ADD2: variants seen among roughly 807,000 people sequenced by gnomAD.
The protein encoded by ADD2 is beta-adducin.
Under a neutral mutation model 83.0 loss-of-function variants are expected in ADD2, and 23 were observed. That is an observed-to-expected ratio of 0.28 (90% CI 0.20 to 0.39). The LOEUF is 0.39. ADD2 is among the 10% of genes least tolerant of loss of function. The pLI is 1.00. For missense variants in ADD2, 758 were observed against 944.9 expected, an observed-to-expected ratio of 0.80 and a Z score of 2.59; for synonymous variants, 375 against 375.4, an observed-to-expected ratio of 1.00 and a Z score of 0.01.
At chr2:70,687,002 G>A (rs1479458922) in intron 9 of ADD2, 3 of 152,444 alleles carry the variant, frequency 2.0e-5, no homozygotes, top group Non-Finnish European at 4.4e-5. Flanking sequence ...CCAGCCAGGA[G>A]AGGGCGGACG....
rs1327389214 is a variant in ADD2, at chr2:70,674,789, C to T, written c.1630G>A (p.Asp544Asn). 2 of 1,613,986 alleles carry T rather than the reference C, an allele frequency of 1.2e-6. No homozygotes were observed. The highest frequency in any genetic ancestry group is 1.3e-5 in the African/African-American group (1 of 74,926). The change falls in exon 14 of 16, where the codon GAT becomes AAT. Residue 544 changes from aspartate to asparagine, a missense_variant. Asp to Asn is a conservative substitution (Grantham distance 23). Coordinates refer to ENST00000264436, the MANE Select transcript of ADD2 (RefSeq NM_001617.4). ...GTCTCCTCTGAATCGTCTTTGGTAT[C>T]CTCGTCTCCCTTGGACATCAGCTGG... ...ESQLMSKGDE[D>N]TKDDSEETVP...
In ADD2 at chr2:70,663,740, A is replaced by G; in HGVS notation, c.1871-5T>C. 6.2e-6 allele frequency: 10 copies of G among 1,610,758 alleles called. No homozygotes were observed. The highest frequency in any genetic ancestry group is 8.5e-6 in the Non-Finnish European group (10 of 1,178,746). On this transcript the variant is annotated splice_polypyrimidine_tract_variant and splice_region_variant and intron_variant, in intron 15 of 15. Transcript: ENST00000264436. ...TTTCTGTCTTCTTAGTACCTTCTAG[A>G]AAAAGATCAAAAGATATGACCTGTA...
chr2:70,675,107 C>T lies in ADD2; in HGVS notation c.1594-282G>A, dbSNP rs1474797355. On this transcript the variant is annotated intron_variant, in intron 13 of 15. Transcript: ENST00000264436. ...GCTCCCGAGCAGAAGGAAGACACAC[C>T]TTTATTGCAATCCCTTCTATGGACA... 1.7e-5 allele frequency: 19 copies of T among 1,148,196 alleles called. No individual in the cohort carries two copies. In the East Asian group the frequency reaches 5.8e-4, roughly 35 times the overall value. The allele number at this position is 1,148,196 out of a possible 1,614,324, so 71.1% of individuals were successfully genotyped here.
chr2:70,695,044 C>A (rs920498938), intron 6 of ADD2, among the ~76,000 whole-genome samples: 2 of 152,108 alleles, frequency 1.3e-5, no homozygotes, highest in East Asian at 3.9e-4. Flanking sequence ...TCCTGCCCTG[C>A]CTAGATATTC....
chr2:70,683,513 C>T, intron 10 of ADD2, 78 bp downstream of exon 10: 10 of 1,458,734 alleles, frequency 6.9e-6, no homozygotes, highest in Non-Finnish European at 9.2e-6. Context: ...TTGTGCCCAC[C>T]TGATGCCTTG....
chr2:70,683,916 C>G, intron 9 of ADD2, 149 bp from the exon 10 acceptor site: 1 of 759,520 alleles, frequency 1.3e-6, no homozygotes, highest in Admixed American at 3.5e-5. Context: ...GATGGGCATG[C>G]CCCCATTTCC....
At chr2:70,766,449 CAT>C (rs1484555758) in intron 1 of ADD2, among the ~76,000 whole-genome samples, 4 of 152,196 alleles carry the variant, frequency 2.6e-5, no homozygotes, top group African/African-American at 7.2e-5. Context: ...AAGTCTCTAA[CAT>C]ATATTATTCA....
Position 70,738,560 on chromosome 2 carries a change from A to G in ADD2, c.-153-25376T>C, listed in dbSNP as rs76178322. On this transcript the variant is annotated intron_variant, in intron 1 of 15. Transcript: ENST00000264436. ...AAGTGAGCAACCTTCCCACTGTGAT[A>G]TGGAAGCTACTCCTTGAGAGGCCAC... Among the ~76,000 whole-genome samples the G allele has an allele frequency of 6.2e-3, 946 of 152,288 alleles. 6 individuals are homozygous for G. Among genetic ancestry groups the G allele is most frequent in the African/African-American group, 0.022 (898 of 41,544 alleles).
At chr2:70,688,402 T>C (rs1670851753) in intron 8 of ADD2, among the ~76,000 whole-genome samples, 1 of 152,264 alleles carries the variant, frequency 6.6e-6, no homozygotes, top group African/African-American at 2.4e-5. Context: ...TTTTAAAAAT[T>C]GAAATTGAAA....
At chr2:70,678,249 C>G (rs1464491834) in intron 11 of ADD2, among the ~76,000 whole-genome samples, 1 of 152,198 alleles carries the variant, frequency 6.6e-6, no homozygotes, top group East Asian at 1.9e-4. Context: ...TGGCTGTTGG[C>G]TACTTTTATG....
At chr2:70,731,631 A>T (rs1673287590) in intron 1 of ADD2, among the ~76,000 whole-genome samples, 2 of 152,152 alleles carry the variant, frequency 1.3e-5, no homozygotes, top group African/African-American at 4.8e-5. Flanking sequence ...CAAGCAGAGG[A>T]CACCTCAAGA....
Position 70,665,827 on chromosome 2 carries a change from T to TTTTTTTTC in ADD2, c.1871-2093_1871-2092insGAAAAAAA, listed in dbSNP as rs1172785596. 2.5e-3 allele frequency among the ~76,000 whole-genome samples: 380 copies of TTTTTTTTC among 151,604 alleles called. 3 individuals carry two copies. Among genetic ancestry groups the TTTTTTTTC allele is most frequent in the African/African-American group, 8.8e-3 (363 of 41,096 alleles). On this transcript the variant is annotated intron_variant, in intron 15 of 15. Transcript: ENST00000264436. ...TCACACTTGTTTTTTTGTTTTTTTT[T>TTTTTTTTC]TTTTCCCGAAACAGTCCTGCTCTGT...
chr2:70,733,065 C>G (rs1039683239), intron 1 of ADD2, among the ~76,000 whole-genome samples: 2 of 152,174 alleles, frequency 1.3e-5, no homozygotes, highest in Non-Finnish European at 2.9e-5. Context: ...GGTTATTTAG[C>G]ATTCAAGGAT....
At chr2:70,754,611 C>A (rs1553383508) in intron 1 of ADD2, among the ~76,000 whole-genome samples, 1 of 152,156 alleles carries the variant, frequency 6.6e-6, no homozygotes, top group African/African-American at 2.4e-5. Context: ...TCCCCTCCAC[C>A]ACTCTCCTTA....
intron 4 of ADD2, 58 bp downstream of exon 4, chr2:70,704,263 T>TCGC: frequency 2.1e-5 from 19 of 913,234 alleles, no homozygotes; most frequent in African/African-American, 3.5e-5. Context: ...CTCCCTCTCT[T>TCGC]CCCCACCCCA....
intron 1 of ADD2, among the ~76,000 whole-genome samples, chr2:70,730,750 A>G (rs1351494294): frequency 6.6e-6 from 1 of 152,230 alleles, no homozygotes; most frequent in African/African-American, 2.4e-5. Context: ...CCATATGATT[A>G]TAATACTATA....
rs141522856 is a variant in ADD2, at chr2:70,708,208, G to A, written c.-34-1766C>T. On this transcript the variant is annotated intron_variant, in intron 2 of 15. Coordinates refer to ENST00000264436, the MANE Select transcript of ADD2 (RefSeq NM_001617.4). ...CAGAATACACAGATGGTTTCCTGTT[G>A]TTCTTGTTTGCATTCTTCCTCTAGG... is the stretch of plus-strand genomic sequence containing the variant. 2.4e-3 allele frequency among the ~76,000 whole-genome samples: 364 copies of A among 152,258 alleles called. 1 individual carries two copies. Among genetic ancestry groups the A allele is most frequent in the African/African-American group, 8.0e-3 (333 of 41,538 alleles).
intron 2 of ADD2, among the ~76,000 whole-genome samples, chr2:70,708,250 C>T (rs1036060164): frequency 2.0e-4 from 31 of 152,112 alleles, no homozygotes; most frequent in African/African-American, 5.1e-4. Flanking sequence ...GCAAACAGTT[C>T]GTTCAAGGGA....
chr2:70,734,826 C>G (rs928454034), intron 1 of ADD2, among the ~76,000 whole-genome samples: 2 of 152,190 alleles, frequency 1.3e-5, no homozygotes, highest in African/African-American at 4.8e-5. Context: ...GCTTGCATTG[C>G]ACCTATTTGA....
Sources: allele counts gnomAD v4.1 joint callset (sites outside exome capture counted in the v4.1 genomes callset), GRCh38; gene constraint gnomAD v4.1.1; transcripts MANE v1.5; gene names NCBI Gene and HGNC (gene_info 2026-07-23, HGNC 2026-07-21).